SLCO1A2: variants seen among roughly 807,000 people sequenced by gnomAD.
SLCO1A2 encodes the protein OATP-1.
SLCO1A2 carries 67 observed loss-of-function variants against 69.0 expected under a neutral mutation model. That is an observed-to-expected ratio of 0.97 (90% confidence interval 0.80 to 1.19). The LOEUF (loss-of-function observed/expected upper bound fraction) is 1.19. Ranked by LOEUF, SLCO1A2 falls within the 50% of genes most tolerant of loss-of-function variation. The pLI is 0.00. For missense variants in SLCO1A2, 787 were observed against 793.7 expected, an observed-to-expected ratio of 0.99 and a Z score of 0.10; for synonymous variants, 260 against 265.9, an observed-to-expected ratio of 0.98 and a Z score of 0.22.
chr12:21,274,613 T>A, intron 13 of SLCO1A2, 27 bp from the exon 14 acceptor site: 2 of 1,376,440 alleles, frequency 1.5e-6, no homozygotes, highest in Non-Finnish European at 1.0e-6. Context: ...AAGAAAAATC[T>A]ATCAACAAGA....
intron 2 of SLCO1A2, among the ~76,000 whole-genome samples, chr12:21,361,479 C>T (rs1442632024): frequency 1.3e-5 from 2 of 152,182 alleles, no homozygotes; most frequent in African/African-American, 4.8e-5. Flanking sequence ...TAGCGCACCT[C>T]TTCTCCTCCA....
chr12:21,373,097 AGGGAGAATGT>A, intron 2 of SLCO1A2: 1 of 498,202 alleles, frequency 2.0e-6, no homozygotes, highest in Non-Finnish European at 3.6e-6. Context: ...GAAAGGCTAA[AGGGAGAATGT>A]ATTACAATAT....
intron 12 of SLCO1A2, among the ~76,000 whole-genome samples, chr12:21,277,221 G>A (rs1239501548): frequency 3.4e-5 from 5 of 149,236 alleles, no homozygotes; most frequent in African/African-American, 1.2e-4. Flanking sequence ...AGTAGGATAG[G>A]GCACTGGTAA....
At chr12:21,377,137 G>A (rs1455382943) in intron 1 of SLCO1A2, among the ~76,000 whole-genome samples, 1 of 152,064 alleles carries the variant, frequency 6.6e-6, no homozygotes, top group Non-Finnish European at 1.5e-5. Context: ...CTTCTTCCAG[G>A]TGGCTAGAAA....
At chr12:21,417,997 G>A (rs1942014657) in exon 1 of SLCO1A2, 1 of 152,068 alleles carries the variant, frequency 6.6e-6, no homozygotes, top group Non-Finnish European at 1.5e-5. Context: ...ATTGAGGTAG[G>A]GGAGGTCTAA....
At chr12:21,299,805 TATATACACACACAC>T (rs1361122455) in intron 8 of SLCO1A2, among the ~76,000 whole-genome samples, 6 of 121,846 alleles carry the variant, frequency 4.9e-5, no homozygotes, top group Middle Eastern at 4.0e-3. Context: ...CACACGTATA[TATATACACACACAC>T]ATATACACAC....
intron 12 of SLCO1A2, among the ~76,000 whole-genome samples, chr12:21,285,286 C>T (rs1945540739): frequency 6.6e-6 from 1 of 152,142 alleles, no homozygotes; most frequent in African/African-American, 2.4e-5. Context: ...TTGACACATA[C>T]ACTCTCCCAA....
intron 12 of SLCO1A2, among the ~76,000 whole-genome samples, chr12:21,282,759 A>C (rs913602378): frequency 6.6e-6 from 1 of 152,154 alleles, no homozygotes; most frequent in African/African-American, 2.4e-5. Context: ...ATACAAAATC[A>C]ACATAAAAAA....
At position 21,314,934 on chromosome 12, in the gene SLCO1A2, A is replaced by G. The variant is rs370498291; in HGVS notation, c.203-253T>C. Among the ~76,000 whole-genome samples, 15 of 152,326 alleles carry G rather than the reference A, an allele frequency of 9.8e-5. No homozygotes were observed. The East Asian group carries it at 1.2e-3, about 12-fold the overall frequency. On this transcript the variant is annotated intron_variant, in intron 3 of 14. Transcript: ENST00000683939. ...ACCAACATTTACAGAGGGGAGAAGA[A>G]GAGAAGCCGGTGAAAGGGACTAAAG...
intron 12 of SLCO1A2, among the ~76,000 whole-genome samples, chr12:21,284,713 C>A (rs1451063791): frequency 7.9e-6 from 1 of 126,234 alleles, no homozygotes; most frequent in Admixed American, 8.2e-5. Context: ...CACTCAAAAC[C>A]GCTCAACTAC....
At chr12:21,303,812 A>C (rs1343993097) in intron 6 of SLCO1A2, among the ~76,000 whole-genome samples, 1 of 152,168 alleles carries the variant, frequency 6.6e-6, no homozygotes, top group Non-Finnish European at 1.5e-5. Context: ...GACTATATGG[A>C]GAGATCATTA....
chr12:21,381,165 G>C (rs1313475236), intron 1 of SLCO1A2, among the ~76,000 whole-genome samples: 1 of 151,874 alleles, frequency 6.6e-6, no homozygotes, highest in Admixed American at 6.6e-5. Flanking sequence ...ATAAATAAAT[G>C]GGATGTAATT....
intron 1 of SLCO1A2, chr12:21,378,565 G>C: frequency 1.4e-6 from 1 of 703,446 alleles, no homozygotes. Flanking sequence ...CTTCTCAAAA[G>C]ATTGTTTTAT....
chr12:21,379,469 C>G (rs1345257678), intron 1 of SLCO1A2: 1 of 152,188 alleles, frequency 6.6e-6, no homozygotes, highest in African/African-American at 2.4e-5. Flanking sequence ...AATTAAAAGA[C>G]CACAGACTTC....
chr12:21,397,784 A>G (rs1191604713), upstream of SLCO1A2, among the ~76,000 whole-genome samples: 1 of 131,164 alleles, frequency 7.6e-6, no homozygotes, highest in African/African-American at 2.9e-5. Context: ...CTGGGTACAT[A>G]ACGAAATGAA....
intron 14 of SLCO1A2, among the ~76,000 whole-genome samples, chr12:21,271,315 T>A (rs1269162371): frequency 6.6e-6 from 1 of 151,988 alleles, no homozygotes; most frequent in East Asian, 1.9e-4. Flanking sequence ...ACATAGAGCC[T>A]GTGAATTCAG....
intron 1 of SLCO1A2, among the ~76,000 whole-genome samples, chr12:21,391,323 CGT>C: frequency 6.6e-6 from 1 of 152,104 alleles, no homozygotes; most frequent in South Asian, 2.1e-4. Flanking sequence ...ATTTCAGTCT[CGT>C]GGAGCTGATG....
upstream of SLCO1A2, chr12:21,419,289 G>T: frequency 6.4e-6 from 1 of 157,480 alleles, no homozygotes; most frequent in East Asian, 1.9e-4. Context: ...GGTGATTTCT[G>T]CATTTCCATC....
At chr12:21,281,674 A>G (rs186724310) in intron 12 of SLCO1A2, among the ~76,000 whole-genome samples, 9 of 152,214 alleles carry the variant, frequency 5.9e-5, no homozygotes, top group Admixed American at 2.0e-4. Context: ...ATAACTAGGA[A>G]AAAAGAGAGA....
Sources: allele counts gnomAD v4.1 joint callset (sites outside exome capture counted in the v4.1 genomes callset), GRCh38; gene constraint gnomAD v4.1.1; transcripts MANE v1.5; gene names NCBI Gene and HGNC (gene_info 2026-07-23, HGNC 2026-07-21).